Variants in BASP1 observed in about 807,000 individuals in gnomAD.
BASP1 encodes the protein brain abundant membrane attached signal protein 1.
Under a neutral mutation model 2.2 loss-of-function variants are expected in BASP1, and 1 was observed. The ratio of observed to expected loss-of-function variants is 0.46; its 90% confidence interval spans 0.16 to 2.17. The LOEUF (loss-of-function observed/expected upper bound fraction) is 2.17. Ranked by LOEUF, BASP1 falls within the 30% of genes most tolerant of loss-of-function variation. The pLI, the probability that BASP1 is intolerant of heterozygous loss-of-function variation, is 0.27. For missense variants in BASP1, 352 were observed against 327.2 expected (o/e 1.08, Z -0.58); for synonymous variants, 187 against 154.2 (o/e 1.21, Z -1.58).
intron 1 of BASP1, among the ~76,000 whole-genome samples, chr5:17,251,000 A>G (rs1740093396): frequency 6.6e-6 from 1 of 152,226 alleles, no homozygotes; most frequent in African/African-American, 2.4e-5. Context: ...CAGAAAACCT[A>G]AAACTAAAAT....
chr5:17,218,566 G>T (rs1739316884), intron 1 of BASP1, among the ~76,000 whole-genome samples: 1 of 152,198 alleles, frequency 6.6e-6, no homozygotes, highest in East Asian at 1.9e-4. Context: ...CCAAGAATGC[G>T]CCAGGCGCCT....
At chr5:17,269,505 T>C (rs1740489348) in intron 1 of BASP1, among the ~76,000 whole-genome samples, 1 of 152,212 alleles carries the variant, frequency 6.6e-6, no homozygotes, top group Non-Finnish European at 1.5e-5. Context: ...CAGGTTGCTC[T>C]GATCAACTCA....
At position 17,276,160 on chromosome 5, in the gene BASP1, C is replaced by T. The variant is rs904192427; in HGVS notation, c.*260C>T. The T allele has an allele frequency of 6.0e-6, 2 of 333,798 alleles. No individual in the cohort carries two copies. The highest frequency in any genetic ancestry group is 1.1e-5 in the Non-Finnish European group (2 of 176,768). The allele number at this position is 333,798 out of a possible 1,614,324, so 20.7% of individuals were successfully genotyped here. A position where few individuals can be genotyped will look rare whatever the true frequency, so the allele number is the denominator to read the frequency against. Reference sequence around the variant, plus strand: ...TTTTTGTGGGGAAATATCTAATATACCTTCAGTCAACTTTACCAAGAAGTC... The same window carrying T: ...TTTTTGTGGGGAAATATCTAATATATCTTCAGTCAACTTTACCAAGAAGTC... On this transcript the variant is annotated 3_prime_UTR_variant, in exon 2 of 2. Transcript: ENST00000322611.
chr5:17,235,957 G>T (rs1739733128), intron 1 of BASP1, among the ~76,000 whole-genome samples: 1 of 152,162 alleles, frequency 6.6e-6, no homozygotes, highest in Admixed American at 6.5e-5. Flanking sequence ...GTCCAAGCTT[G>T]TCCAGTTCTC....
chr5:17,224,105 A>C (rs187914752), intron 1 of BASP1, among the ~76,000 whole-genome samples: 2 of 152,226 alleles, frequency 1.3e-5, no homozygotes, highest in Admixed American at 6.5e-5. Context: ...GGGTGGATCA[A>C]TTCTGGAACT....
Position 17,275,088 on chromosome 5 carries a change from C to T in BASP1, c.-9-120C>T. The stretch of plus-strand genomic sequence containing the variant: ...TGCCTAACTATAGTTTACCATGCCA[C>T]CCCTTTGGGGTGTGCAGTGCAGCAG... On this transcript the variant is annotated intron_variant, in intron 1 of 1. Coordinates refer to ENST00000322611, the MANE Select transcript of BASP1 (RefSeq NM_006317.5). The surrounding 1 kb of genome is among the most constrained non-coding windows in gnomAD (Gnocchi z 5.3). 1 of 807,518 alleles carries T rather than the reference C, an allele frequency of 1.2e-6. No individual in the cohort carries two copies. The highest frequency in any genetic ancestry group is 2.0e-6 in the Non-Finnish European group (1 of 505,280). 50.0% of individuals were successfully genotyped at this position (807,518 alleles called of 1,614,324 possible).
intron 1 of BASP1, among the ~76,000 whole-genome samples, chr5:17,238,875 A>G (rs541711286): frequency 6.6e-6 from 1 of 152,302 alleles, no homozygotes; most frequent in African/African-American, 2.4e-5. Flanking sequence ...AACTTTGGTT[A>G]TCTTCAGTAA....
intron 1 of BASP1, among the ~76,000 whole-genome samples, chr5:17,270,504 G>A (rs1740510742): frequency 6.6e-6 from 1 of 152,192 alleles, no homozygotes; most frequent in Non-Finnish European, 1.5e-5. Flanking sequence ...TTTACAATAT[G>A]GTGACAACAG....
intron 1 of BASP1, among the ~76,000 whole-genome samples, chr5:17,221,365 G>GTTTTTTTT (rs35430036): frequency 2.5e-5 from 3 of 120,988 alleles, no homozygotes; most frequent in African/African-American, 6.6e-5. Flanking sequence ...TCTTGTAAAT[G>GTTTTTTTT]TTTTTTTTTT....
intron 1 of BASP1, among the ~76,000 whole-genome samples, chr5:17,268,143 G>C (rs1291526385): frequency 2.0e-5 from 3 of 152,170 alleles, no homozygotes; most frequent in Admixed American, 2.0e-4. Context: ...GAGATCCAGA[G>C]TGGGAGGTAA....
At chr5:17,217,554 G>C (rs1048681391), upstream of BASP1, 48 of 146,210 alleles carry the variant, frequency 3.3e-4, no homozygotes, top group South Asian at 4.1e-3. Flanking sequence ...CGGACGCGCG[G>C]GGGGAGGGCA....
chr5:17,273,542 A>G (rs868274162), intron 1 of BASP1, among the ~76,000 whole-genome samples: 1 of 152,238 alleles, frequency 6.6e-6, no homozygotes, highest in African/African-American at 2.4e-5. Context: ...AAATTAGCAT[A>G]TAGAATGGTG....
At chr5:17,232,265 G>C (rs544161955) in intron 1 of BASP1, among the ~76,000 whole-genome samples, 2 of 152,170 alleles carry the variant, frequency 1.3e-5, no homozygotes, top group Non-Finnish European at 2.9e-5. Context: ...TACACTCCTC[G>C]TCTGTCCTTC....
rs1158538012 is a variant in BASP1, at chr5:17,236,231, T to C, written c.-10+18421T>C. Among the ~76,000 whole-genome samples, 1 of 152,152 alleles carries C rather than the reference T, an allele frequency of 6.6e-6. No individual in the cohort carries two copies. The highest frequency in any genetic ancestry group is 1.5e-5 in the Non-Finnish European group (1 of 68,028). On this transcript the variant is annotated intron_variant, in intron 1 of 1. Coordinates refer to ENST00000322611, the MANE Select transcript of BASP1 (RefSeq NM_006317.5). The surrounding 1 kb of genome is among the most constrained non-coding windows in gnomAD (Gnocchi z 4.0). ...GTATTTAAACCAGTATTTACATTTG[T>C]AGGGATCTTGGGCAGGTTATCCAGA...
chr5:17,241,390 G>A (rs1487263611), intron 1 of BASP1, among the ~76,000 whole-genome samples: 1 of 152,134 alleles, frequency 6.6e-6, no homozygotes, highest in Admixed American at 6.6e-5. Context: ...GTGAACCACT[G>A]CGCCTGGCCC....
At chr5:17,248,974 A>G (rs1056522281) in intron 1 of BASP1, among the ~76,000 whole-genome samples, 7 of 152,154 alleles carry the variant, frequency 4.6e-5, no homozygotes, top group Non-Finnish European at 7.3e-5. Flanking sequence ...CCCATCCCCA[A>G]TTAACTGTAG....
intron 1 of BASP1, among the ~76,000 whole-genome samples, chr5:17,249,989 C>G (rs1356866107): frequency 6.6e-6 from 1 of 152,150 alleles, no homozygotes; most frequent in African/African-American, 2.4e-5. Flanking sequence ...GTCCTCCAGG[C>G]TGGAGTGCAG....
At chr5:17,217,002 C>A, upstream of BASP1, 1 of 150,626 alleles carries the variant, frequency 6.6e-6, no homozygotes, top group Non-Finnish European at 1.5e-5. Context: ...CTCCCTAAGT[C>A]TGAGCGAGAG....
At chr5:17,229,134 T>C (rs1739572938) in intron 1 of BASP1, among the ~76,000 whole-genome samples, 4 of 152,144 alleles carry the variant, frequency 2.6e-5, no homozygotes, top group Admixed American at 2.6e-4. Flanking sequence ...TAGAATCAAA[T>C]GTTTGAGGAC....
Sources: allele counts gnomAD v4.1 joint callset (sites outside exome capture counted in the v4.1 genomes callset), GRCh38; gene constraint gnomAD v4.1.1; non-coding constraint Gnocchi (gnomAD v3.1); transcripts MANE v1.5; gene names NCBI Gene and HGNC (gene_info 2026-07-23, HGNC 2026-07-21).